The following FARP1 variants were observed in gnomAD, a reference collection of about 807,000 sequenced individuals.
The protein encoded by FARP1 is FERM, ARH/RhoGEF and pleckstrin domain protein 1.
In FARP1, 52 loss-of-function variants were observed where a neutral mutation model predicts 128.8. The observed-to-expected ratio is 0.40, with a 90% CI of 0.32 to 0.51. FARP1 has a LOEUF of 0.51. Ranked by LOEUF, FARP1 falls within the 20% of genes least tolerant of loss-of-function variation. The pLI is 0.45. For missense variants in FARP1, 1,333 were observed against 1,367.9 expected (o/e 0.97, Z 0.40); for synonymous variants, 580 against 551.8 (o/e 1.05, Z -0.72).
intron 7 of FARP1, among the ~76,000 whole-genome samples, 197 bp downstream of exon 7, chr13:98,385,041 G>A (rs949190238): frequency 2.6e-5 from 4 of 152,160 alleles, no homozygotes; most frequent in African/African-American, 9.7e-5. Flanking sequence ...ACCCACTGAA[G>A]CCTGGAGTTT....
chr13:98,213,301 C>G lies in FARP1; in HGVS notation c.59C>G (p.Ser20Trp), dbSNP rs758725627. Reference sequence around the variant, plus strand: ...TCACGACTGGGGGCCCCGGAAAATTCGGGGATCAGTACCTTGGAACGTGGA... The same window carrying G: ...TCACGACTGGGGGCCCCGGAAAATTGGGGGATCAGTACCTTGGAACGTGGA... ...PGSRLGAPENSGISTLERGQK... is the reference protein window; with the variant it reads ...PGSRLGAPENWGISTLERGQK... The change falls in exon 2 of 27, where the codon TCG becomes TGG. Residue 20 changes from serine (S) to tryptophan (W), a missense_variant. Ser to Trp is a radical substitution (Grantham distance 177, BLOSUM62 -3). Around this residue, in one of 2 missense-constraint regions of FARP1, gnomAD observed 324 missense variants for 398.1 expected, o/e 0.81. Transcript: ENST00000319562. 4.3e-6 allele frequency: 7 copies of G among 1,613,930 alleles called. No homozygotes were observed. Among genetic ancestry groups the G allele is most frequent in the Non-Finnish European group, 5.9e-6 (7 of 1,179,992 alleles).
chr13:98,367,207 A>T (rs1231273854), intron 4 of FARP1, among the ~76,000 whole-genome samples: 1 of 152,120 alleles, frequency 6.6e-6, no homozygotes, highest in East Asian at 1.9e-4. Flanking sequence ...ACCAGGCTGG[A>T]GTGCAGTGGC....
At position 98,450,393 on chromosome 13, in the gene FARP1, T is replaced by C. The variant is rs1203580112; in HGVS notation, c.*2076T>C. 1.3e-5 allele frequency: 2 copies of C among 152,180 alleles called. No individual in the cohort carries two copies. Among genetic ancestry groups the C allele is most frequent in the Non-Finnish European group, 2.9e-5 (2 of 68,030 alleles). 9.4% of individuals were successfully genotyped at this position (152,180 alleles called of 1,614,324 possible). ...CAGAGGAAAGGTACAAAATGCTACA[T>C]ACAGAACCAAACCAGCCACTTCACA... On this transcript the variant is annotated 3_prime_UTR_variant, in exon 27 of 27. Coordinates refer to ENST00000319562, the MANE Select transcript of FARP1 (RefSeq NM_005766.4).
chr13:98,321,588 G>T (rs1238380377), intron 2 of FARP1, among the ~76,000 whole-genome samples: 1 of 152,170 alleles, frequency 6.6e-6, no homozygotes, highest in Non-Finnish European at 1.5e-5. Context: ...TGATGCCATT[G>T]CAGAAAAGAA....
chr13:98,368,713 C>T (rs1221526046), intron 5 of FARP1, among the ~76,000 whole-genome samples: 1 of 152,154 alleles, frequency 6.6e-6, no homozygotes, highest in African/African-American at 2.4e-5. Context: ...TCCCCTATTA[C>T]AGTGTGGACT....
chr13:98,239,758 G>T (rs1245112445), intron 2 of FARP1, among the ~76,000 whole-genome samples: 15 of 152,104 alleles, frequency 9.9e-5, no homozygotes, highest in African/African-American at 3.6e-4. Context: ...GATGAGCGGG[G>T]AGGGGGTGCT....
Position 98,448,326 on chromosome 13 carries a change from C to A in FARP1, c.*9C>A, listed in dbSNP as rs1185990415. ...AGTCTCTTGTGTATTGATGGCCGGACACACTCGTTTCCGCAGTGGCTGCTT... is the reference window on the plus strand; with the variant it reads ...AGTCTCTTGTGTATTGATGGCCGGAAACACTCGTTTCCGCAGTGGCTGCTT... On this transcript the variant is annotated 3_prime_UTR_variant, in exon 27 of 27. Coordinates refer to ENST00000319562, the MANE Select transcript of FARP1 (RefSeq NM_005766.4). The A allele has an allele frequency of 1.4e-5, 23 of 1,602,480 alleles. No homozygotes were observed. Among genetic ancestry groups the A allele is most frequent in the Non-Finnish European group, 1.9e-5 (22 of 1,169,414 alleles).
chr13:98,304,262 T>C (rs1594377966), intron 2 of FARP1, among the ~76,000 whole-genome samples: 1 of 152,302 alleles, frequency 6.6e-6, no homozygotes, highest in Middle Eastern at 3.4e-3. Context: ...AGTGTAGGAC[T>C]TCCAGCTGCT....
chr13:98,245,070 A>AC (rs771736086), intron 2 of FARP1: 62 of 1,024,346 alleles, frequency 6.1e-5, no homozygotes, highest in Non-Finnish European at 7.0e-5. Context: ...GAAGTTAAAA[A>AC]CCATCTTCCT....
intron 17 of FARP1, 60 bp downstream of exon 17, chr13:98,424,710 C>T (rs1891714771): frequency 9.3e-6 from 11 of 1,182,386 alleles, no homozygotes; most frequent in South Asian, 4.9e-5. Context: ...GCGGGGCTGC[C>T]ATGGGCATAG....
chr13:98,282,139 T>TA (rs34098347), intron 2 of FARP1, among the ~76,000 whole-genome samples: 1 of 151,882 alleles, frequency 6.6e-6, no homozygotes, highest in Admixed American at 6.6e-5. Context: ...ACCCTGTCTC[T>TA]AAAAAAATGG....
chr13:98,384,336 G>C (rs1255870934), intron 6 of FARP1: 1 of 182,974 alleles, frequency 5.5e-6, no homozygotes, highest in Non-Finnish European at 1.2e-5. Context: ...GGGATTACAG[G>C]TGCCCGCCAC....
At chr13:98,211,782 C>T (rs9517218) in intron 1 of FARP1, among the ~76,000 whole-genome samples, 82,442 of 152,174 alleles carry the variant, frequency 0.54, 25,072 homozygotes, top group Non-Finnish European at 0.67. Context: ...ATCTCGTTCC[C>T]TTATGTCCTT....
intron 1 of FARP1, among the ~76,000 whole-genome samples, chr13:98,173,295 CA>C (rs955116313): frequency 1.3e-5 from 2 of 152,178 alleles, no homozygotes; most frequent in Non-Finnish European, 2.9e-5. Flanking sequence ...AAGTCAACAG[CA>C]AAATGTCCCT....
At position 98,318,862 on chromosome 13, in the gene FARP1, C is replaced by T. The variant is rs80117211; in HGVS notation, c.172-24900C>T. On this transcript the variant is annotated intron_variant, in intron 2 of 26. Coordinates refer to ENST00000319562, the MANE Select transcript of FARP1 (RefSeq NM_005766.4). ...CGTTTGTATCTTTCTGGAAAGTATGCGTGTTTCATTTATGCATCTGTGTGA... is the reference window on the plus strand; with the variant it reads ...CGTTTGTATCTTTCTGGAAAGTATGTGTGTTTCATTTATGCATCTGTGTGA... Among the ~76,000 whole-genome samples, 40 of 151,620 alleles carry T rather than the reference C, an allele frequency of 2.6e-4. 1 individual carries two copies. In the East Asian group the frequency reaches 6.8e-3, roughly 26 times the overall value.
At chr13:98,421,635 A>G (rs866517217) in intron 16 of FARP1, among the ~76,000 whole-genome samples, 4 of 152,202 alleles carry the variant, frequency 2.6e-5, no homozygotes, top group Middle Eastern at 3.2e-3. Context: ...AGGCAGATGG[A>G]TCGCTTGAGT....
chr13:98,440,667 T>C lies in FARP1; in HGVS notation c.2630-3T>C. 6.2e-7 allele frequency: 1 copy of C among 1,611,578 alleles called. No homozygotes were observed. Among genetic ancestry groups the C allele is most frequent in the African/African-American group, 1.3e-5 (1 of 74,992 alleles). ...AAGTGCTGCCTTTTGCCCCATCCTGTAGAGTCCCCTGATGAAGCCACCGCG... is the reference window on the plus strand; with the variant it reads ...AAGTGCTGCCTTTTGCCCCATCCTGCAGAGTCCCCTGATGAAGCCACCGCG... On this transcript the variant is annotated splice_region_variant and splice_polypyrimidine_tract_variant and intron_variant, in intron 23 of 26. Transcript: ENST00000319562.
chr13:98,361,021 T>A (rs1888848916), intron 3 of FARP1, among the ~76,000 whole-genome samples: 1 of 152,230 alleles, frequency 6.6e-6, no homozygotes, highest in Non-Finnish European at 1.5e-5. Flanking sequence ...TAGCCCAGGA[T>A]GACCTAGTCC....
At chr13:98,186,991 CAAAAAA>C (rs33992037) in intron 1 of FARP1, among the ~76,000 whole-genome samples, 25 of 47,826 alleles carry the variant, frequency 5.2e-4, no homozygotes, top group South Asian at 2.5e-3. Context: ...GATTCTGTCT[CAAAAAA>C]AAAAAAAAAA....
Sources: allele counts gnomAD v4.1 joint callset (sites outside exome capture counted in the v4.1 genomes callset), GRCh38; gene constraint gnomAD v4.1.1; regional missense constraint gnomAD v4.1.1; transcripts MANE v1.5; gene names NCBI Gene and HGNC (gene_info 2026-07-23, HGNC 2026-07-21).